The following POLR2F variants were observed in gnomAD, a reference collection of about 807,000 sequenced individuals.
POLR2F encodes the protein DNA-directed RNA polymerases I, II, and III subunit RPABC2.
A neutral mutation model predicts 22.7 loss-of-function variants in POLR2F; 12 were observed. The ratio of observed to expected loss-of-function variants is 0.53; its 90% CI spans 0.34 to 0.86. The LOEUF (loss-of-function observed/expected upper bound fraction) is 0.86. Among genes scored for constraint, POLR2F ranks in the 40% least tolerant of loss-of-function variants. The pLI is 0.02. For synonymous variants in POLR2F, 57 were observed against 66.0 expected (o/e 0.86, Z 0.66); for missense variants, 126 against 171.5 (o/e 0.73, Z 1.48).
In POLR2F at chr22:38,008,685, A is replaced by G. The variant is rs1266472937; in HGVS notation, c.121-17184A>G. 2.0e-5 allele frequency among the ~76,000 whole-genome samples: 3 copies of G among 152,008 alleles called. 1 individual carries two copies. In the South Asian group the frequency reaches 6.2e-4, roughly 31 times the overall value. ...TCAGGAGTTCGAGACCAGGCTGGCC[A>G]CATGGCGAGATCCCGTCTCTTCTAC... is the stretch of plus-strand genomic sequence containing the variant. On this transcript the variant is annotated intron_variant, in intron 1 of 2. Transcript: ENST00000333418.
intron 1 of POLR2F, among the ~76,000 whole-genome samples, chr22:38,001,149 T>C (rs750528597): frequency 1.3e-5 from 2 of 152,170 alleles, no homozygotes; most frequent in Non-Finnish European, 2.9e-5. Context: ...CCCTGTGGCC[T>C]CTTACTTGCA....
chr22:38,015,932 C>T (rs2084911779), intron 1 of POLR2F, among the ~76,000 whole-genome samples: 1 of 152,060 alleles, frequency 6.6e-6, no homozygotes, highest in Non-Finnish European at 1.5e-5. Context: ...TGAGTCTCGG[C>T]CTCTGCTGGT....
chr22:37,984,601 G>A (rs1460804556), upstream of POLR2F: 2 of 151,640 alleles, frequency 1.3e-5, no homozygotes, highest in Non-Finnish European at 2.9e-5. The surrounding 1 kb of genome is among the most constrained non-coding windows in gnomAD (Gnocchi z 4.4). Flanking sequence ...GAGGGGGAGA[G>A]GGGGGAGGGG....
At chr22:37,976,498 C>T (rs1328072713) in intron 4 of POLR2F, among the ~76,000 whole-genome samples, 1 of 152,236 alleles carries the variant, frequency 6.6e-6, no homozygotes, top group Non-Finnish European at 1.5e-5. Flanking sequence ...CAAAGTAGGA[C>T]TCAGAGCGTG....
At chr22:37,990,409 C>G (rs567974917) in intron 1 of POLR2F, among the ~76,000 whole-genome samples, 15 of 152,400 alleles carry the variant, frequency 9.8e-5, no homozygotes, top group South Asian at 2.1e-4. Flanking sequence ...GGCCTCTGCT[C>G]TCTTCTGAGA....
chr22:38,026,110 T>G (rs1315224092), exon 2 of POLR2F: 1 of 533,794 alleles, frequency 1.9e-6, no homozygotes, highest in South Asian at 1.4e-5. Context: ...CCTGCCTGGA[T>G]CCCCCACTGC....
chr22:37,985,988 C>T (rs1023228220), upstream of POLR2F: 53 of 1,189,904 alleles, frequency 4.5e-5, no homozygotes, highest in Non-Finnish European at 5.3e-5. Context: ...CAGTTTTCCT[C>T]GACGCCACCC....
intron 1 of POLR2F, among the ~76,000 whole-genome samples, chr22:37,999,178 G>T (rs534234501): frequency 2.0e-5 from 3 of 152,274 alleles, no homozygotes; most frequent in Non-Finnish European, 4.4e-5. Flanking sequence ...GGTGCTCCTT[G>T]TGGGAAATGC....
downstream of POLR2F, chr22:37,974,228 C>T (rs1224599820): frequency 5.2e-6 from 8 of 1,532,200 alleles, no homozygotes; most frequent in East Asian, 4.5e-5. The surrounding 1 kb of genome is among the most constrained non-coding windows in gnomAD (Gnocchi z 5.4). Context: ...AGAGAGAGAG[C>T]GCAAGGGGGA....
chr22:37,975,523 G>A (rs951371350), intron 4 of POLR2F, among the ~76,000 whole-genome samples: 8 of 152,148 alleles, frequency 5.3e-5, no homozygotes, highest in Admixed American at 2.6e-4. Context: ...GTATGTACAC[G>A]TGTGTGGGAG....
At chr22:37,991,742 C>T (rs981236280) in intron 1 of POLR2F, among the ~76,000 whole-genome samples, 1 of 152,136 alleles carries the variant, frequency 6.6e-6, no homozygotes, top group East Asian at 1.9e-4. Flanking sequence ...ACCTGTTTGA[C>T]GTGTACCAGG....
chr22:38,019,194 G>A (rs1302757253), intron 1 of POLR2F, among the ~76,000 whole-genome samples: 2 of 152,072 alleles, frequency 1.3e-5, no homozygotes, highest in Non-Finnish European at 2.9e-5. Flanking sequence ...ACATGTTTGG[G>A]GCACAGTGTG....
downstream of POLR2F, among the ~76,000 whole-genome samples, chr22:38,031,630 G>A (rs139203582): frequency 3.6e-3 from 545 of 152,240 alleles, 3 homozygotes; most frequent in African/African-American, 0.012. This position sits in a 1 kb window ranked among gnomAD's most constrained non-coding sequence, Gnocchi z 4.1. Context: ...CAGGTGTCCC[G>A]GCTGAGTGGC....
At chr22:37,994,664 G>A (rs1211555626) in intron 1 of POLR2F, among the ~76,000 whole-genome samples, 1 of 152,172 alleles carries the variant, frequency 6.6e-6, no homozygotes, top group Non-Finnish European at 1.5e-5. Flanking sequence ...CACTACAGGT[G>A]CCCGCCACCA....
intron 5 of POLR2F, among the ~76,000 whole-genome samples, chr22:38,035,256 TAAC>T (rs2085104101): frequency 6.6e-6 from 1 of 152,180 alleles, no homozygotes; most frequent in South Asian, 2.1e-4. Context: ...CATTAACTGT[TAAC>T]AACAGGCGCC....
intron 1 of POLR2F, among the ~76,000 whole-genome samples, chr22:38,013,515 T>TCA (rs1461764243): frequency 6.6e-6 from 1 of 152,258 alleles, no homozygotes; most frequent in Non-Finnish European, 1.5e-5. Context: ...ACCTATCTGT[T>TCA]CAAACTCTGT....
intron 3 of POLR2F, among the ~76,000 whole-genome samples, chr22:37,964,086 T>G: frequency 2.0e-5 from 3 of 147,810 alleles, no homozygotes; most frequent in Non-Finnish European, 1.5e-5. Flanking sequence ...GGTGACAGAG[T>G]GAGACTCTGT....
In POLR2F at chr22:37,978,271, C is replaced by T. The variant is rs920362789; in HGVS notation, c.293+11101C>T. Reference sequence around the variant, plus strand: ...GATGGGGCACCCAGAGGACAGGACCCGGGGTGGGGGCTGTGCCCTATGATT... The same window carrying T: ...GATGGGGCACCCAGAGGACAGGACCTGGGGTGGGGGCTGTGCCCTATGATT... On this transcript the variant is annotated intron_variant, in intron 4 of 4. Coordinates refer to the POLR2F transcript ENST00000405557. The surrounding 1 kb of genome is among the most constrained non-coding windows in gnomAD (Gnocchi z 5.0). 32 of 926,396 alleles carry T rather than the reference C, an allele frequency of 3.5e-5. No individual in the cohort carries two copies. The highest frequency in any genetic ancestry group is 1.2e-4 in the Admixed American group (4 of 33,904). 57.4% of individuals were successfully genotyped at this position (926,396 alleles called of 1,614,324 possible).
At chr22:38,003,633 G>C (rs559443535) in intron 1 of POLR2F, among the ~76,000 whole-genome samples, 3 of 151,972 alleles carry the variant, frequency 2.0e-5, no homozygotes, top group East Asian at 1.9e-4. Context: ...CTGGAGTGCA[G>C]TGGTATGATC....
Sources: allele counts gnomAD v4.1 joint callset (sites outside exome capture counted in the v4.1 genomes callset), GRCh38; gene constraint gnomAD v4.1.1; non-coding constraint Gnocchi (gnomAD v3.1); transcripts MANE v1.5; gene names NCBI Gene and HGNC (gene_info 2026-07-23, HGNC 2026-07-21).